Variants in STK32A observed in about 807,000 individuals in gnomAD.
STK32A encodes serine/threonine-protein kinase 32A.
A neutral mutation model predicts 53.2 loss-of-function variants in STK32A; 41 were observed. The ratio of observed to expected loss-of-function variants is 0.77; its 90% confidence interval spans 0.60 to 1.00. The LOEUF (loss-of-function observed/expected upper bound fraction) is 1.00. STK32A is among the 50% of genes least tolerant of loss of function. The pLI, the probability that STK32A is intolerant of heterozygous loss-of-function variation, is 0.00. For synonymous variants in STK32A, 166 were observed against 162.8 expected (o/e 1.02, Z -0.15); for missense variants, 458 against 485.8 (o/e 0.94, Z 0.54).
At chr5:147,397,884 A>ATAGAAAGAG in the STK32A span, 654,588 of 1,551,218 alleles carry the variant, frequency 0.42, 141,864 homozygotes, top group African/African-American at 0.57. Flanking sequence ...CAGTAAGGGT[A>ATAGAAAGAG]GAGAAAGAGG....
At chr5:147,251,965 G>A (rs981184557) in intron 2 of STK32A, among the ~76,000 whole-genome samples, 1 of 152,084 alleles carries the variant, frequency 6.6e-6, no homozygotes, top group African/African-American at 2.4e-5. Flanking sequence ...CACTTTGGGA[G>A]GCTGAGGCAG....
intron 2 of STK32A, among the ~76,000 whole-genome samples, chr5:147,275,887 T>A (rs909507083): frequency 1.3e-5 from 2 of 152,118 alleles, no homozygotes; most frequent in East Asian, 3.9e-4. Context: ...TTCAGTAAGG[T>A]TAAAATGGTA....
At chr5:147,252,127 A>G (rs1176895679) in intron 2 of STK32A, among the ~76,000 whole-genome samples, 4 of 152,180 alleles carry the variant, frequency 2.6e-5, no homozygotes, top group Non-Finnish European at 5.9e-5. Context: ...AGCCTGGGCA[A>G]CAGAGCAAGA....
chr5:147,344,450 T>G (rs1755586490), intron 6 of STK32A, among the ~76,000 whole-genome samples: 1 of 152,202 alleles, frequency 6.6e-6, no homozygotes, highest in Non-Finnish European at 1.5e-5. Context: ...ATGGTGAGAT[T>G]TAGCATGAAG....
chr5:147,399,203 T>A, the STK32A span: 1 of 1,614,220 alleles, frequency 6.2e-7, no homozygotes, highest in Non-Finnish European at 8.5e-7. Context: ...CTTGGCAGCG[T>A]TTGTGCTTGT....
rs182004588 is a variant in STK32A at position 147,310,112 on chromosome 5, C to T, written c.261-13786C>T. Among the ~76,000 whole-genome samples the T allele has an allele frequency of 1.2e-3, 180 of 152,242 alleles. 2 individuals carry two copies. Among genetic ancestry groups the T allele is most frequent in the Non-Finnish European group, 3.5e-4 (24 of 68,010 alleles). On this transcript the variant is annotated intron_variant, in intron 4 of 12. Coordinates refer to ENST00000397936, the MANE Select transcript of STK32A (RefSeq NM_001112724.2). ...AAACCATTATGTCGTATTATTCCTG[C>T]GTTCCTGGTAGCGTTTCTACTGCTG...
intron 8 of STK32A, 23 bp downstream of exon 8, chr5:147,361,637 T>C (rs1756509789): frequency 1.3e-6 from 2 of 1,507,082 alleles, no homozygotes; most frequent in Non-Finnish European, 1.8e-6. Flanking sequence ...CATTTCCTCT[T>C]TGGTTATTTT....
At chr5:147,247,807 AT>A (rs948264895) in intron 2 of STK32A, among the ~76,000 whole-genome samples, 8 of 152,082 alleles carry the variant, frequency 5.3e-5, no homozygotes, top group African/African-American at 1.4e-4. Flanking sequence ...TATTCTTTTG[AT>A]TTTTTTCCAA....
chr5:147,389,422 G>C (rs554633074), downstream of STK32A, among the ~76,000 whole-genome samples: 2 of 152,108 alleles, frequency 1.3e-5, no homozygotes, highest in Admixed American at 6.5e-5. Flanking sequence ...TTGGTCCCAC[G>C]TGCTCTTCTG....
At chr5:147,401,432 GCAGA>G in the STK32A span, 1 of 1,287,458 alleles carries the variant, frequency 7.8e-7, no homozygotes, top group Non-Finnish European at 1.1e-6. Context: ...TGTTCACACT[GCAGA>G]CTCTGGTCAA....
At chr5:147,242,429 C>T (rs7720349) in intron 2 of STK32A, among the ~76,000 whole-genome samples, 61,977 of 151,980 alleles carry the variant, frequency 0.41, 12,781 homozygotes, top group Admixed American at 0.45. Context: ...AATACATAAA[C>T]CAGATAATTT....
chr5:147,334,032 G>A (rs1399810685), intron 5 of STK32A, among the ~76,000 whole-genome samples: 1 of 152,048 alleles, frequency 6.6e-6, no homozygotes, highest in Non-Finnish European at 1.5e-5. Context: ...TGCAAAATCA[G>A]GAGTGCTTAA....
chr5:147,266,839 C>T (rs748378731), intron 2 of STK32A, among the ~76,000 whole-genome samples: 6 of 152,028 alleles, frequency 3.9e-5, no homozygotes, highest in Admixed American at 2.0e-4. Context: ...AGCCTGATAA[C>T]ATAGAGAAAC....
intron 1 of STK32A, among the ~76,000 whole-genome samples, chr5:147,236,263 ACT>A (rs1177002606): frequency 6.6e-6 from 1 of 152,070 alleles, no homozygotes; most frequent in Non-Finnish European, 1.5e-5. Flanking sequence ...GTCAGGGTAG[ACT>A]CTGAAAACTC....
intron 2 of STK32A, among the ~76,000 whole-genome samples, chr5:147,270,215 GA>G (rs1221046047): frequency 6.6e-6 from 1 of 151,840 alleles, no homozygotes; most frequent in Non-Finnish European, 1.5e-5. Context: ...CTACATTACT[GA>G]AAAAAAATCT....
intron 11 of STK32A, among the ~76,000 whole-genome samples, chr5:147,378,030 C>A (rs1402769064): frequency 6.6e-6 from 1 of 152,126 alleles, no homozygotes; most frequent in Non-Finnish European, 1.5e-5. Context: ...ACTCTATTTT[C>A]TCTCTTTTAC....
rs954050455 is a variant in STK32A, at chr5:147,328,161, C to G, written c.434+4090C>G. On this transcript the variant is annotated intron_variant, in intron 5 of 12. Coordinates refer to ENST00000397936, the MANE Select transcript of STK32A (RefSeq NM_001112724.2). ...TGGGACTTTTAACAGCCAAAGCACACAGCAAGTCTAGCCTAGCAAGAGGAG... is the reference window on the plus strand; with the variant it reads ...TGGGACTTTTAACAGCCAAAGCACAGAGCAAGTCTAGCCTAGCAAGAGGAG... Among the ~76,000 whole-genome samples the G allele has an allele frequency of 7.2e-5, 11 of 152,334 alleles. No homozygotes were observed. In the East Asian group the frequency reaches 2.1e-3, roughly 29 times the overall value.
chr5:147,399,061 TC>T, the STK32A span: 1 of 1,612,278 alleles, frequency 6.2e-7, no homozygotes, highest in Non-Finnish European at 8.5e-7. Flanking sequence ...TCTACTCCAC[TC>T]CCACCAGAGC....
chr5:147,393,998 C>T, the STK32A span: 1 of 1,607,596 alleles, frequency 6.2e-7, no homozygotes, highest in Non-Finnish European at 8.5e-7. Flanking sequence ...AAAACAATCT[C>T]TTCTTGCTTC....
Sources: gnomAD v4.1 joint callset for allele counts (sites outside exome capture counted in the v4.1 genomes callset) on GRCh38, gnomAD v4.1.1 for gene constraint, MANE v1.5 for transcripts, NCBI Gene and HGNC (gene_info 2026-07-23, HGNC 2026-07-21) for gene names.